SPPL3: variants seen among roughly 807,000 people sequenced by gnomAD.
SPPL3 encodes the protein signal peptide peptidase like 3.
Under a neutral mutation model 42.4 loss-of-function variants are expected in SPPL3, and 5 were observed. The ratio of observed to expected loss-of-function variants is 0.12; its 90% CI spans 0.06 to 0.25. The LOEUF (loss-of-function observed/expected upper bound fraction) is 0.25. Ranked by LOEUF, SPPL3 falls within the 10% of genes least tolerant of loss-of-function variation. The pLI is 1.00. For synonymous variants in SPPL3, 195 were observed against 181.8 expected (o/e 1.07, Z -0.58); for missense variants, 235 against 489.0 (o/e 0.48, Z 4.90).
At chr12:120,834,580 G>A (rs1398235312) in intron 1 of SPPL3, among the ~76,000 whole-genome samples, 1 of 152,112 alleles carries the variant, frequency 6.6e-6, no homozygotes, top group Non-Finnish European at 1.5e-5. Flanking sequence ...AACAAATGAA[G>A]GCATTTCCTC....
chr12:120,874,398 A>T (rs1001888754), intron 1 of SPPL3, among the ~76,000 whole-genome samples: 3 of 146,070 alleles, frequency 2.1e-5, no homozygotes, highest in Non-Finnish European at 4.5e-5. Context: ...GGTTGCAGTG[A>T]GCTGAGATTG....
intron 1 of SPPL3, among the ~76,000 whole-genome samples, chr12:120,830,608 GGTGT>G (rs1871397303): frequency 1.6e-5 from 1 of 61,828 alleles, no homozygotes; most frequent in Non-Finnish European, 3.4e-5. Context: ...AGAGAGAGAA[GGTGT>G]ACATGCATAT....
At chr12:120,860,994 G>T (rs1331631429) in intron 1 of SPPL3, among the ~76,000 whole-genome samples, 1 of 152,010 alleles carries the variant, frequency 6.6e-6, no homozygotes, top group African/African-American at 2.4e-5. Context: ...CCATTTCAGG[G>T]CTCCACAGGA....
intron 1 of SPPL3, among the ~76,000 whole-genome samples, chr12:120,825,134 A>G (rs977447140): frequency 6.6e-6 from 1 of 152,352 alleles, no homozygotes. Context: ...TTAAAAAAAA[A>G]GGACAGATCC....
chr12:120,867,054 A>G (rs539874003), intron 1 of SPPL3, among the ~76,000 whole-genome samples: 1 of 152,312 alleles, frequency 6.6e-6, no homozygotes, highest in South Asian at 2.1e-4. Flanking sequence ...CAAACTCTAC[A>G]ATGTACTCCT....
chr12:120,796,701 T>A (rs1566044352), intron 2 of SPPL3, among the ~76,000 whole-genome samples: 3 of 152,206 alleles, frequency 2.0e-5, no homozygotes, highest in Non-Finnish European at 2.9e-5. Context: ...GAAGCAGTGC[T>A]CAGTCTAGGG....
chr12:120,850,059 A>C (rs1294585081), intron 1 of SPPL3, among the ~76,000 whole-genome samples: 1 of 152,114 alleles, frequency 6.6e-6, no homozygotes, highest in Non-Finnish European at 1.5e-5. Context: ...CTGAAATACT[A>C]CCCTCTGGAG....
intron 1 of SPPL3, among the ~76,000 whole-genome samples, chr12:120,823,758 T>A (rs1808396993): frequency 6.6e-6 from 1 of 152,234 alleles, no homozygotes; most frequent in Non-Finnish European, 1.5e-5. Flanking sequence ...TCCTAAGAGC[T>A]TCCCATTATG....
At chr12:120,766,098 G>GCACACACAAACACACA (rs750703823) in intron 10 of SPPL3, among the ~76,000 whole-genome samples, 165 bp downstream of exon 10, 5 of 144,044 alleles carry the variant, frequency 3.5e-5, no homozygotes, top group African/African-American at 1.3e-4. Flanking sequence ...TAGCGCGCGC[G>GCACACACAAACACACA]CGCACACACA....
intron 5 of SPPL3, 132 bp downstream of exon 5, chr12:120,783,542 G>T: frequency 1.3e-6 from 1 of 755,030 alleles, no homozygotes; most frequent in Non-Finnish European, 2.1e-6. Context: ...GATCAAATGT[G>T]TCACTTCCTG....
chr12:120,880,020 T>G (rs577502324), intron 1 of SPPL3, among the ~76,000 whole-genome samples: 1 of 151,042 alleles, frequency 6.6e-6, no homozygotes, highest in Admixed American at 6.6e-5. Context: ...GGTTTAACAA[T>G]CCTACTTGAT....
chr12:120,829,919 G>A (rs570353925), intron 1 of SPPL3, among the ~76,000 whole-genome samples: 66 of 150,754 alleles, frequency 4.4e-4, no homozygotes, highest in Non-Finnish European at 7.4e-4. Context: ...ACTTGAATGC[G>A]CGAGATAGAG....
At chr12:120,827,235 G>A (rs972957684) in intron 1 of SPPL3, among the ~76,000 whole-genome samples, 9 of 151,700 alleles carry the variant, frequency 5.9e-5, no homozygotes, top group Middle Eastern at 6.8e-3. Context: ...TAACAGGGAA[G>A]TAGTTCTTTA....
At chr12:120,816,335 A>G (rs1870874339) in intron 1 of SPPL3, among the ~76,000 whole-genome samples, 1 of 152,232 alleles carries the variant, frequency 6.6e-6, no homozygotes, top group Non-Finnish European at 1.5e-5. Context: ...AAATCTGATT[A>G]AAGTTCACCC....
At chr12:120,843,044 CAGTT>C (rs776255688) in intron 1 of SPPL3, among the ~76,000 whole-genome samples, 15 of 152,242 alleles carry the variant, frequency 9.9e-5, no homozygotes, top group South Asian at 4.2e-4. Flanking sequence ...CTAGTAGACT[CAGTT>C]AGTTAGTATA....
chr12:120,805,195 A>AAAC, intron 2 of SPPL3, among the ~76,000 whole-genome samples: 1 of 152,340 alleles, frequency 6.6e-6, no homozygotes, highest in Non-Finnish European at 1.5e-5. Flanking sequence ...AACCCACTGA[A>AAAC]TTGTATACTT....
At chr12:120,771,886 C>T (rs1428156273) in intron 6 of SPPL3, among the ~76,000 whole-genome samples, 1 of 152,236 alleles carries the variant, frequency 6.6e-6, no homozygotes, top group Non-Finnish European at 1.5e-5. Flanking sequence ...TCCACACATA[C>T]TGTGTTCTTT....
intron 3 of SPPL3, among the ~76,000 whole-genome samples, chr12:120,786,437 T>C (rs777753107): frequency 3.3e-5 from 5 of 152,196 alleles, no homozygotes; most frequent in Non-Finnish European, 7.3e-5. Context: ...AACTTTATCA[T>C]AGGAACAAAG....
chr12:120,774,798 G>A (rs1479874068), intron 6 of SPPL3, among the ~76,000 whole-genome samples: 1 of 151,888 alleles, frequency 6.6e-6, no homozygotes, highest in African/African-American at 2.4e-5. Context: ...GTGAAGGGAG[G>A]TGCTCTCTTT....
Sources: allele counts gnomAD v4.1 joint callset (sites outside exome capture counted in the v4.1 genomes callset), GRCh38; gene constraint gnomAD v4.1.1; transcripts MANE v1.5; gene names NCBI Gene and HGNC (gene_info 2026-07-23, HGNC 2026-07-21).